The following MALRD1 variants were observed in gnomAD, a reference collection of about 807,000 sequenced individuals.
MALRD1 encodes the protein MAM and LDL receptor class A domain containing 1.
MALRD1 carries 247 observed loss-of-function variants against 242.1 expected under a neutral mutation model. That is an observed-to-expected ratio of 1.02 (90% CI 0.92 to 1.13). MALRD1 has a LOEUF of 1.13. Among genes scored for constraint, MALRD1 ranks in the 50% most tolerant of loss-of-function variants. The pLI is 0.00. For synonymous variants in MALRD1, 995 were observed against 866.6 expected, an observed-to-expected ratio of 1.15 and a Z score of -2.60; for missense variants, 2,989 against 2,533.1, an observed-to-expected ratio of 1.18 and a Z score of -3.86.
At chr10:19,585,060 T>TAAA (rs1318063664) in intron 33 of MALRD1, among the ~76,000 whole-genome samples, 21 of 100,848 alleles carry the variant, frequency 2.1e-4, no homozygotes, top group Non-Finnish European at 4.0e-4. Context: ...CTGCCTTTTT[T>TAAA]TGTTTTCCAT....
chr10:19,608,137 T>C (rs1838726455), intron 35 of MALRD1, among the ~76,000 whole-genome samples: 1 of 152,090 alleles, frequency 6.6e-6, no homozygotes, highest in Non-Finnish European at 1.5e-5. Flanking sequence ...AAAAGAAAAA[T>C]CAAATATGTA....
At chr10:19,603,640 T>A (rs1693427805) in intron 34 of MALRD1, among the ~76,000 whole-genome samples, 1 of 152,192 alleles carries the variant, frequency 6.6e-6, no homozygotes, top group Admixed American at 6.5e-5. Context: ...TGCCTCCGGC[T>A]TTGTTGTTTT....
rs76248228 is a variant in MALRD1, at chr10:19,263,707, A to G, written c.3079+5936A>G. ...TGAAGAGATTATTTTTTCCCATTGTATATTCTTGTCACTTTTTTTATTGAT... is the reference window on the plus strand; with the variant it reads ...TGAAGAGATTATTTTTTCCCATTGTGTATTCTTGTCACTTTTTTTATTGAT... On this transcript the variant is annotated intron_variant, in intron 19 of 39. Transcript: ENST00000454679. Among the ~76,000 whole-genome samples, 543 of 151,892 alleles carry G rather than the reference A, an allele frequency of 3.6e-3. 5 individuals are homozygous for G. Among genetic ancestry groups the G allele is most frequent in the African/African-American group, 0.012 (518 of 41,464 alleles).
At chr10:19,637,483 C>T (rs1840190843) in intron 36 of MALRD1, among the ~76,000 whole-genome samples, 1 of 152,190 alleles carries the variant, frequency 6.6e-6, no homozygotes, top group Non-Finnish European at 1.5e-5. Context: ...GGTTCAGAAG[C>T]TTTCCCTTGT....
At chr10:19,333,961 G>T (rs1843496661) in intron 24 of MALRD1, among the ~76,000 whole-genome samples, 1 of 151,798 alleles carries the variant, frequency 6.6e-6, no homozygotes, top group Non-Finnish European at 1.5e-5. Flanking sequence ...AAAAGTGTCT[G>T]TTCATGTCCT....
Position 19,059,887 on chromosome 10 carries a change from CTGT to C in MALRD1, c.200-6818_200-6816del, listed in dbSNP as rs376467523. Among the ~76,000 whole-genome samples, 908 of 152,056 alleles carry C rather than the reference CTGT, an allele frequency of 6.0e-3. 14 individuals carry two copies. Among genetic ancestry groups the C allele is most frequent in the African/African-American group, 0.021 (851 of 41,480 alleles). ...TTCCCAAACCAATGAAAAAGGTTTTCTGTTGTTGTTGTTGTTTTTGCAGATGTT... is the reference window on the plus strand; with the variant it reads ...TTCCCAAACCAATGAAAAAGGTTTTCTGTTGTTGTTGTTTTTGCAGATGTT... On this transcript the variant is annotated intron_variant, in intron 1 of 39. Coordinates refer to ENST00000454679, the MANE Select transcript of MALRD1 (RefSeq NM_001142308.3).
intron 26 of MALRD1, among the ~76,000 whole-genome samples, chr10:19,370,349 A>G (rs940994251): frequency 2.0e-5 from 3 of 152,124 alleles, no homozygotes; most frequent in Non-Finnish European, 4.4e-5. Context: ...TTTCCTATCC[A>G]TGGGCATGAT....
chr10:19,271,682 G>T (rs144009044), intron 19 of MALRD1, among the ~76,000 whole-genome samples: 1,773 of 152,090 alleles, frequency 0.012, 24 homozygotes, highest in Middle Eastern at 0.044. Flanking sequence ...AGAATCACTT[G>T]AACCCGGGAG....
intron 36 of MALRD1, among the ~76,000 whole-genome samples, chr10:19,626,230 C>G (rs1839644394): frequency 6.6e-6 from 1 of 151,536 alleles, no homozygotes; most frequent in South Asian, 2.1e-4. Flanking sequence ...TGTAGTCTCT[C>G]CCTTCAAAAA....
rs117548028 is a variant in MALRD1 at position 19,189,442 on chromosome 10, A to G, written c.1951+14114A>G. On this transcript the variant is annotated intron_variant, in intron 14 of 39. Coordinates refer to ENST00000454679, the MANE Select transcript of MALRD1 (RefSeq NM_001142308.3). The stretch of plus-strand genomic sequence containing the variant: ...TTTTCCAAAAAATTGAAGACAAGGA[A>G]TATTTTCTAACTTATTCAATGAGGC... Among the ~76,000 whole-genome samples the G allele has an allele frequency of 2.9e-3, 439 of 152,280 alleles. 2 individuals carry two copies. The highest frequency in any genetic ancestry group is 4.8e-3 in the Non-Finnish European group (326 of 68,012).
intron 31 of MALRD1, among the ~76,000 whole-genome samples, chr10:19,507,679 G>T (rs1425574717): frequency 6.6e-6 from 1 of 152,052 alleles, no homozygotes; most frequent in East Asian, 1.9e-4. Context: ...TTAGTGTTTG[G>T]ATACTCAAAA....
At chr10:19,223,881 TC>T (rs1188559335) in intron 18 of MALRD1, among the ~76,000 whole-genome samples, 3 of 152,220 alleles carry the variant, frequency 2.0e-5, no homozygotes, top group Non-Finnish European at 4.4e-5. Context: ...CATGAATCCA[TC>T]CTTTTTTATA....
chr10:19,573,919 A>T (rs1390598198), intron 33 of MALRD1, among the ~76,000 whole-genome samples: 1 of 152,090 alleles, frequency 6.6e-6, no homozygotes, highest in East Asian at 1.9e-4. Context: ...CACCCTGACT[A>T]GGTTTTGTTG....
intron 33 of MALRD1, among the ~76,000 whole-genome samples, chr10:19,591,780 G>T (rs1230607473): frequency 1.3e-5 from 2 of 152,212 alleles, no homozygotes; most frequent in Non-Finnish European, 2.9e-5. Flanking sequence ...TTACAGGCAT[G>T]AGCCGCTATG....
intron 18 of MALRD1, among the ~76,000 whole-genome samples, chr10:19,211,848 A>G (rs1450629472): frequency 1.3e-5 from 2 of 152,126 alleles, no homozygotes; most frequent in Non-Finnish European, 2.9e-5. Flanking sequence ...TAACTGTGAT[A>G]TGGTAGATGG....
At chr10:19,183,886 C>T (rs1835628449) in intron 14 of MALRD1, among the ~76,000 whole-genome samples, 3 of 151,970 alleles carry the variant, frequency 2.0e-5, no homozygotes, top group Non-Finnish European at 4.4e-5. Flanking sequence ...AAAATGTAAC[C>T]CAGGTGTACA....
chr10:19,132,457 T>C (rs1262444626), intron 8 of MALRD1, among the ~76,000 whole-genome samples: 1 of 152,240 alleles, frequency 6.6e-6, no homozygotes, highest in Admixed American at 6.5e-5. Context: ...GTAATGGATT[T>C]AGACTATCTT....
intron 33 of MALRD1, among the ~76,000 whole-genome samples, chr10:19,569,645 A>G (rs532089143): frequency 3.4e-5 from 5 of 147,476 alleles, no homozygotes; most frequent in South Asian, 2.1e-4. Context: ...CATAATATGT[A>G]TATATATTAT....
rs565827890 is a variant in MALRD1 at position 19,480,662 on chromosome 10, G to A, written c.5030-10855G>A. 5.9e-5 allele frequency among the ~76,000 whole-genome samples: 9 copies of A among 152,306 alleles called. No individual in the cohort carries two copies. In the South Asian group the frequency reaches 1.9e-3, roughly 32 times the overall value. On this transcript the variant is annotated intron_variant, in intron 29 of 39. Transcript: ENST00000454679. ...AGTGCAGTAGTAGAAATTGCTAAGA[G>A]GCAAGGAGTGAGTGATGACTTCTGA...
Sources: gnomAD v4.1 joint callset for allele counts (sites outside exome capture counted in the v4.1 genomes callset) on GRCh38, gnomAD v4.1.1 for gene constraint, MANE v1.5 for transcripts, NCBI Gene and HGNC (gene_info 2026-07-23, HGNC 2026-07-21) for gene names.